GABRR3: variants seen among roughly 807,000 people sequenced by gnomAD.
The protein encoded by GABRR3 is gamma-aminobutyric acid receptor subunit rho-3.
In GABRR3, 29 loss-of-function variants were observed where a neutral mutation model predicts 43.2. The ratio of observed to expected loss-of-function variants is 0.67; its 90% CI spans 0.50 to 0.92. GABRR3 has a LOEUF of 0.92. Ranked by LOEUF, GABRR3 falls within the 40% of genes least tolerant of loss-of-function variation. The pLI is 0.00. For synonymous variants in GABRR3, 206 were observed against 195.9 expected (o/e 1.05, Z -0.43); for missense variants, 576 against 572.3 (o/e 1.01, Z -0.07).
intron 2 of GABRR3, among the ~76,000 whole-genome samples, chr3:98,029,540 CT>C (rs1707060257): frequency 1.3e-5 from 2 of 152,114 alleles, no homozygotes; most frequent in Non-Finnish European, 2.9e-5. Context: ...AAAAAATCAT[CT>C]GACTTGAGTC....
chr3:97,994,655 A>G (rs1241309534), intron 8 of GABRR3, among the ~76,000 whole-genome samples: 2 of 152,232 alleles, frequency 1.3e-5, no homozygotes, highest in African/African-American at 4.8e-5. Context: ...GGTATAGCTG[A>G]AGCCAAGATT....
In GABRR3 at chr3:98,034,999, C is replaced by CA. The variant is rs546066170; in HGVS notation, c.-2-11dup. 2,934 of 1,608,046 alleles carry CA rather than the reference C, an allele frequency of 1.8e-3. 4 individuals carry two copies. The highest frequency in any genetic ancestry group is 2.1e-3 in the Non-Finnish European group (2,477 of 1,177,008). ...AAAGCCAGGACCATCTCTTCCAAAA[C>CA]AAAAAAACAGAAAGGATGCAGGTGA... On this transcript the variant is annotated splice_polypyrimidine_tract_variant and intron_variant, in intron 1 of 9. Coordinates refer to ENST00000621172, the Ensembl canonical transcript of GABRR3.
intron 2 of GABRR3, among the ~76,000 whole-genome samples, chr3:98,033,195 T>C (rs867804237): frequency 1.3e-5 from 2 of 152,184 alleles, no homozygotes; most frequent in Non-Finnish European, 2.9e-5. Context: ...GGGTGTTTCT[T>C]TGAAGAACAA....
chr3:97,991,732 G>A (rs1014407491), intron 9 of GABRR3, among the ~76,000 whole-genome samples: 3 of 152,062 alleles, frequency 2.0e-5, no homozygotes, highest in African/African-American at 7.2e-5. Flanking sequence ...CTATACTGGG[G>A]GCTGACAGGA....
chr3:98,023,514 T>C (rs1486542164), intron 3 of GABRR3, among the ~76,000 whole-genome samples: 1 of 152,098 alleles, frequency 6.6e-6, no homozygotes, highest in Non-Finnish European at 1.5e-5. Context: ...AGATCTTTTA[T>C]AGAATCACAG....
chr3:98,013,931 T>C (rs1706842783), intron 4 of GABRR3, among the ~76,000 whole-genome samples: 1 of 152,158 alleles, frequency 6.6e-6, no homozygotes, highest in Non-Finnish European at 1.5e-5. Context: ...ATATAGCAAG[T>C]CACCACACGC....
At chr3:98,026,000 C>T (rs867604685) in intron 2 of GABRR3, among the ~76,000 whole-genome samples, 1 of 152,128 alleles carries the variant, frequency 6.6e-6, no homozygotes, top group African/African-American at 2.4e-5. Flanking sequence ...GATCAAAACT[C>T]AGATTCATGG....
chr3:98,009,320 G>C (rs1477384676), intron 5 of GABRR3, among the ~76,000 whole-genome samples: 2 of 152,122 alleles, frequency 1.3e-5, no homozygotes, highest in Non-Finnish European at 2.9e-5. Context: ...TTCTGGCTCT[G>C]ATGTCTCCAG....
intron 5 of GABRR3, among the ~76,000 whole-genome samples, chr3:98,009,960 A>G (rs1315840156): frequency 6.6e-6 from 1 of 152,214 alleles, no homozygotes; most frequent in Non-Finnish European, 1.5e-5. Context: ...CATGTGAGTG[A>G]CTTAATGACC....
At chr3:98,029,891 G>A (rs2873244) in intron 2 of GABRR3, among the ~76,000 whole-genome samples, 31,758 of 151,732 alleles carry the variant, frequency 0.21, 4,135 homozygotes, top group East Asian at 0.45. Context: ...GAAGGCGGGC[G>A]GATCACTTGA....
intron 2 of GABRR3, among the ~76,000 whole-genome samples, chr3:98,031,697 T>C (rs943180020): frequency 2.6e-5 from 4 of 151,854 alleles, no homozygotes; most frequent in African/African-American, 9.7e-5. Context: ...GAACTATGAT[T>C]GGACCACCGC....
At chr3:98,015,478 G>T (rs1706862866) in intron 4 of GABRR3, among the ~76,000 whole-genome samples, 1 of 152,220 alleles carries the variant, frequency 6.6e-6, no homozygotes, top group South Asian at 2.1e-4. Context: ...TTATAGGCAT[G>T]AGCCACTGCT....
At chr3:97,992,702 A>G (rs1234652113) in intron 9 of GABRR3, 150 bp downstream of exon 9, 1 of 634,910 alleles carries the variant, frequency 1.6e-6, no homozygotes. Flanking sequence ...GTAAGGTTCA[A>G]TGTTAAATTG....
At chr3:98,010,006 G>A (rs1450577604) in intron 5 of GABRR3, among the ~76,000 whole-genome samples, 2 of 152,194 alleles carry the variant, frequency 1.3e-5, no homozygotes, top group African/African-American at 2.4e-5. Flanking sequence ...TCAGAACCAA[G>A]CTGGAACCAG....
rs750532735 is a variant in GABRR3 at position 97,993,082 on chromosome 3, A to G, written c.908-34T>C. The G allele has an allele frequency of 7.4e-6, 11 of 1,494,672 alleles. No homozygotes were observed. The Admixed American group carries it at 2.0e-4, about 27-fold the overall frequency. 92.6% of individuals were successfully genotyped at this position (1,494,672 alleles called of 1,614,324 possible). A position where few individuals can be genotyped will look rare whatever the true frequency, so the allele number is the denominator to read the frequency against. ...TGAGAATAGTGGCAAGCTCAGTGAT[A>G]TAGCCATTCATTTCCAGGATCTGGT... On this transcript the variant is annotated intron_variant, in intron 8 of 9. Transcript: ENST00000621172.
intron 7 of GABRR3, among the ~76,000 whole-genome samples, chr3:98,007,557 G>C (rs1706736660): frequency 1.3e-5 from 2 of 152,214 alleles, no homozygotes. Flanking sequence ...AAGAATGGAA[G>C]CAAGGCATCT....
chr3:98,007,785 A>G, exon 7 of GABRR3: 1 of 1,613,680 alleles, frequency 6.2e-7, no homozygotes. Context: ...TAGAAAGCTA[A>G]TCCACTAGAT....
intron 2 of GABRR3, among the ~76,000 whole-genome samples, chr3:98,031,545 G>A (rs572895619): frequency 5.9e-5 from 9 of 152,016 alleles, no homozygotes; most frequent in Non-Finnish European, 8.8e-5. Flanking sequence ...AGGAGTTTGA[G>A]TCCAGCCTGG....
chr3:98,021,421 C>T (rs561423683), intron 3 of GABRR3, among the ~76,000 whole-genome samples: 1 of 152,204 alleles, frequency 6.6e-6, no homozygotes, highest in South Asian at 2.1e-4. Context: ...CCATATAAAC[C>T]TGAGTTAGTA....
Sources: gnomAD v4.1 joint callset for allele counts (sites outside exome capture counted in the v4.1 genomes callset) on GRCh38, gnomAD v4.1.1 for gene constraint, MANE v1.5 for transcripts, NCBI Gene and HGNC (gene_info 2026-07-23, HGNC 2026-07-21) for gene names.